CDK6: variants seen among roughly 807,000 people sequenced by gnomAD.
CDK6 encodes cyclin dependent kinase 6, also known as cyclin-dependent kinase 6.
CDK6 carries 6 observed loss-of-function variants against 37.1 expected under a neutral mutation model. The observed-to-expected ratio is 0.16, with a 90% CI of 0.09 to 0.32. The LOEUF is 0.32. CDK6 is among the 10% of genes least tolerant of loss of function. CDK6 has a pLI of 1.00. For synonymous variants in CDK6, 160 were observed against 161.3 expected (o/e 0.99, Z 0.06); for missense variants, 224 against 418.9 (o/e 0.53, Z 4.06).
At chr7:92,682,553 C>T (rs1255717374) in intron 4 of CDK6, among the ~76,000 whole-genome samples, 2 of 152,180 alleles carry the variant, frequency 1.3e-5, no homozygotes, top group Non-Finnish European at 2.9e-5. Flanking sequence ...CCAAAGCCAG[C>T]CCTTTGAGGG....
chr7:92,691,698 C>T (rs1265055401), intron 4 of CDK6, among the ~76,000 whole-genome samples: 1 of 152,126 alleles, frequency 6.6e-6, no homozygotes, highest in Non-Finnish European at 1.5e-5. Flanking sequence ...TTTCATTTCA[C>T]AGTTAGAGCC....
At chr7:92,646,994 G>T (rs540896280) in intron 5 of CDK6, among the ~76,000 whole-genome samples, 1 of 152,326 alleles carries the variant, frequency 6.6e-6, no homozygotes, top group African/African-American at 2.4e-5. Flanking sequence ...CTAAGTGACT[G>T]AAGAGAAACA....
At chr7:92,764,699 C>T (rs1047275638) in intron 3 of CDK6, among the ~76,000 whole-genome samples, 8 of 152,188 alleles carry the variant, frequency 5.3e-5, no homozygotes, top group Admixed American at 2.6e-4. Flanking sequence ...ATAACTGGCA[C>T]TATGGGGTTT....
chr7:92,788,851 T>C (rs1336248865), intron 2 of CDK6, among the ~76,000 whole-genome samples: 3 of 152,138 alleles, frequency 2.0e-5, no homozygotes, highest in Admixed American at 6.6e-5. Flanking sequence ...GCATGGTGGC[T>C]CATGCATGTA....
rs150251357 is a variant in CDK6, at chr7:92,729,015, T to C, written c.370-3222A>G. On this transcript the variant is annotated intron_variant, in intron 3 of 7. Coordinates refer to ENST00000424848, the MANE Select transcript of CDK6 (RefSeq NM_001145306.2). ...TACCTAATTTCAAAGGTGAAGTACA[T>C]TCAGCTACGTCAGGAACTCTGGTCC... 8.5e-4 allele frequency among the ~76,000 whole-genome samples: 129 copies of C among 152,286 alleles called. 1 individual carries two copies. The highest frequency in any genetic ancestry group is 3.0e-3 in the African/African-American group (125 of 41,550).
chr7:92,732,881 C>G (rs958524163), intron 3 of CDK6, among the ~76,000 whole-genome samples: 1 of 152,158 alleles, frequency 6.6e-6, no homozygotes, highest in Non-Finnish European at 1.5e-5. Context: ...CATCTGTACA[C>G]ATAAAAGGCC....
chr7:92,833,369 G>A lies in CDK6; in HGVS notation c.-46C>T, dbSNP rs1801544964. 3 of 1,416,740 alleles carry A rather than the reference G, an allele frequency of 2.1e-6. No individual in the cohort carries two copies. The highest frequency in any genetic ancestry group is 1.3e-5 in the South Asian group (1 of 78,750). The allele number at this position is 1,416,740 out of a possible 1,614,324, so 87.8% of individuals were successfully genotyped here. ...CGCGGCGCCGCTGGGGCGGGCGGGG[G>A]GTGCGCTCAACTAGCTGGCGGCCGC... is the stretch of plus-strand genomic sequence containing the variant. On this transcript the variant is annotated 5_prime_UTR_variant, in exon 2 of 8. Transcript: ENST00000424848. The surrounding 1 kb of genome is among the most constrained non-coding windows in gnomAD (Gnocchi z 6.1).
At chr7:92,800,772 G>T (rs1464663144) in intron 2 of CDK6, among the ~76,000 whole-genome samples, 1 of 152,148 alleles carries the variant, frequency 6.6e-6, no homozygotes, top group Non-Finnish European at 1.5e-5. Context: ...TATGTAGCTG[G>T]ATATCCTTTG....
chr7:92,700,779 C>T lies in CDK6; in HGVS notation c.537+24847G>A, dbSNP rs565851785. Among the ~76,000 whole-genome samples, 4 of 152,172 alleles carry T rather than the reference C, an allele frequency of 2.6e-5. No homozygotes were observed. In the East Asian group the frequency reaches 5.8e-4, roughly 22 times the overall value. On this transcript the variant is annotated intron_variant, in intron 4 of 7. Coordinates refer to ENST00000424848, the MANE Select transcript of CDK6 (RefSeq NM_001145306.2). ...GCAATCAGTGGAGAGGAGTGAGAGA[C>T]GTGGAAGGAAAAGCAGGATACCACG...
At chr7:92,711,970 C>T (rs886558486) in intron 4 of CDK6, among the ~76,000 whole-genome samples, 7 of 151,834 alleles carry the variant, frequency 4.6e-5, no homozygotes, top group African/African-American at 1.7e-4. Flanking sequence ...GGGCAGATCA[C>T]GAGGTCAGGA....
chr7:92,674,850 T>C (rs1054586484), intron 4 of CDK6, among the ~76,000 whole-genome samples: 13 of 152,244 alleles, frequency 8.5e-5, no homozygotes, highest in Admixed American at 3.3e-4. Flanking sequence ...TTTTTCTTTT[T>C]AGACAGGGTC....
chr7:92,643,599 G>A (rs1028202848), intron 5 of CDK6, among the ~76,000 whole-genome samples: 1 of 152,210 alleles, frequency 6.6e-6, no homozygotes, highest in Non-Finnish European at 1.5e-5. Flanking sequence ...TGAAACAGAG[G>A]AGGCAGGCCT....
intron 4 of CDK6, among the ~76,000 whole-genome samples, chr7:92,713,512 G>C (rs533457535): frequency 1.3e-4 from 20 of 151,892 alleles, no homozygotes; most frequent in African/African-American, 3.9e-4. Context: ...AATTAATATT[G>C]ATAAATTAGT....
At chr7:92,679,126 G>C (rs925373775) in intron 4 of CDK6, among the ~76,000 whole-genome samples, 11 of 152,120 alleles carry the variant, frequency 7.2e-5, no homozygotes, top group Admixed American at 2.0e-4. Context: ...AGAAATCCTT[G>C]AACTACTTGA....
chr7:92,759,484 A>T (rs1344694785), intron 3 of CDK6, among the ~76,000 whole-genome samples: 3 of 152,046 alleles, frequency 2.0e-5, no homozygotes, highest in Non-Finnish European at 4.4e-5. Flanking sequence ...TATAGAAATG[A>T]TTTGGTCTGG....
chr7:92,698,727 A>G (rs941764054), intron 4 of CDK6, among the ~76,000 whole-genome samples: 1 of 152,200 alleles, frequency 6.6e-6, no homozygotes, highest in Non-Finnish European at 1.5e-5. Context: ...CATTGTTCCC[A>G]GAGTCTGTCA....
intron 4 of CDK6, among the ~76,000 whole-genome samples, chr7:92,718,002 G>A (rs1798272214): frequency 6.6e-6 from 1 of 152,010 alleles, no homozygotes; most frequent in Non-Finnish European, 1.5e-5. Context: ...AATCTGGATG[G>A]GTTTTCATGT....
chr7:92,740,227 G>A (rs1210353427), intron 3 of CDK6, among the ~76,000 whole-genome samples: 3 of 152,164 alleles, frequency 2.0e-5, no homozygotes, highest in African/African-American at 4.8e-5. Context: ...TATGCTCTGA[G>A]GGTAACATGC....
chr7:92,748,110 T>C (rs1799102845), intron 3 of CDK6, among the ~76,000 whole-genome samples: 1 of 152,214 alleles, frequency 6.6e-6, no homozygotes, highest in South Asian at 2.1e-4. Flanking sequence ...ACTTATTGTG[T>C]GTTCTAATGG....
Sources: gnomAD v4.1 joint callset for allele counts (sites outside exome capture counted in the v4.1 genomes callset) on GRCh38, gnomAD v4.1.1 for gene constraint, Gnocchi (gnomAD v3.1) non-coding constraint, MANE v1.5 for transcripts, NCBI Gene and HGNC (gene_info 2026-07-23, HGNC 2026-07-21) for gene names.